TAFA5: variants seen among roughly 807,000 people sequenced by gnomAD.
TAFA5 encodes chemokine-like protein TAFA-5.
Under a neutral mutation model 15.3 loss-of-function variants are expected in TAFA5, and 6 were observed. The observed-to-expected ratio is 0.39, with a 90% CI of 0.21 to 0.77. The LOEUF is 0.77. Among genes scored for constraint, TAFA5 ranks in the 30% least tolerant of loss-of-function variants. TAFA5 has a pLI of 0.41. For synonymous variants in TAFA5, 103 were observed against 80.7 expected (o/e 1.28, Z -1.48); for missense variants, 161 against 193.1 (o/e 0.83, Z 0.98).
intron 1 of TAFA5, among the ~76,000 whole-genome samples, chr22:48,534,850 G>A (rs1049309714): frequency 3.3e-5 from 5 of 152,294 alleles, no homozygotes; most frequent in Admixed American, 2.0e-4. Flanking sequence ...CTCAGCGACT[G>A]TGGAGGCTTG....
chr22:48,552,606 G>A lies in TAFA5; in HGVS notation c.112+62902G>A, dbSNP rs1021372141. ...AATGGATCGATCATCTAGAACCCCC[G>A]TCGCAGGGCTCGGAGTTGCGGGCAG... On this transcript the variant is annotated intron_variant, in intron 1 of 3. Coordinates refer to ENST00000402357, the MANE Select transcript of TAFA5 (RefSeq NM_001082967.3). The surrounding 1 kb of genome is among the most constrained non-coding windows in gnomAD (Gnocchi z 4.1). 5.3e-5 allele frequency among the ~76,000 whole-genome samples: 8 copies of A among 152,128 alleles called. No homozygotes were observed. The highest frequency in any genetic ancestry group is 1.9e-4 in the African/African-American group (8 of 41,430).
chr22:48,731,060 ACTC>A (rs980516527), intron 3 of TAFA5, among the ~76,000 whole-genome samples: 1 of 152,140 alleles, frequency 6.6e-6, no homozygotes. Context: ...TGCAAGTACT[ACTC>A]CAGTGAATAT....
At chr22:48,546,429 G>A (rs1289858530) in intron 1 of TAFA5, 1 of 465,998 alleles carries the variant, frequency 2.1e-6, no homozygotes. Flanking sequence ...GTGACCATCG[G>A]ACACTGCCCT....
chr22:48,575,095 G>T (rs1442922996), intron 1 of TAFA5, among the ~76,000 whole-genome samples: 4 of 152,182 alleles, frequency 2.6e-5, no homozygotes, highest in African/African-American at 9.6e-5. Context: ...CCCAGCCGCT[G>T]GTCGGGCCCG....
In TAFA5 at chr22:48,646,691, G is replaced by C. The variant is rs777036601; in HGVS notation, c.207G>C (p.Ala69=). The stretch of plus-strand genomic sequence containing the variant: ...TCGCCCGGCAGACCGCCCGCTGTGC[G>C]TGTAGAAAGGGGCAGATCGCCGGCA... ...RTIARQTARC[A]CRKGQIAGTT... is the part of the protein sequence containing the mutation. The change falls in exon 2 of 4, where the codon GCG becomes GCC. Residue 69 remains alanine (A), a synonymous_variant. Coordinates refer to ENST00000402357, the MANE Select transcript of TAFA5 (RefSeq NM_001082967.3). 5 of 1,609,434 alleles carry C rather than the reference G, an allele frequency of 3.1e-6. No individual in the cohort carries two copies. The highest frequency in any genetic ancestry group is 2.2e-5 in the East Asian group (1 of 44,828).
intron 1 of TAFA5, among the ~76,000 whole-genome samples, chr22:48,541,986 G>A (rs1376455946): frequency 6.6e-6 from 1 of 152,202 alleles, no homozygotes; most frequent in East Asian, 1.9e-4. Flanking sequence ...CCAGTGTGCA[G>A]GGCCCAGCAT....
Position 48,509,129 on chromosome 22 carries a change from G to A in TAFA5, c.112+19425G>A, listed in dbSNP as rs185958793. Among the ~76,000 whole-genome samples the A allele has an allele frequency of 1.4e-4, 21 of 152,300 alleles. No homozygotes were observed. The South Asian group carries it at 2.7e-3, about 20-fold the overall frequency. On this transcript the variant is annotated intron_variant, in intron 1 of 3. Coordinates refer to ENST00000402357, the MANE Select transcript of TAFA5 (RefSeq NM_001082967.3). ...CCTCCGGAGTCATGCCTGCAGCTGC[G>A]AATGACAGGATCTCATCCTTCTTTA... is the stretch of plus-strand genomic sequence containing the variant.
intron 1 of TAFA5, among the ~76,000 whole-genome samples, chr22:48,600,450 C>T (rs560587198): frequency 6.5e-4 from 99 of 152,306 alleles, no homozygotes; most frequent in African/African-American, 2.1e-3. Context: ...CCACACGGGC[C>T]TTGTCATGGT....
chr22:48,669,221 G>A (rs556226940), intron 2 of TAFA5, among the ~76,000 whole-genome samples: 13 of 152,246 alleles, frequency 8.5e-5, no homozygotes, highest in African/African-American at 2.4e-4. Context: ...GCCCCCCAGC[G>A]TGTGGTCTGT....
intron 1 of TAFA5, among the ~76,000 whole-genome samples, chr22:48,623,688 G>A (rs762666212): frequency 6.6e-6 from 1 of 152,238 alleles, no homozygotes; most frequent in African/African-American, 2.4e-5. Context: ...CCATTTAACC[G>A]CATCAGAGCC....
intron 1 of TAFA5, among the ~76,000 whole-genome samples, chr22:48,525,380 C>T (rs914584341): frequency 1.3e-5 from 2 of 152,218 alleles, no homozygotes; most frequent in Admixed American, 6.5e-5. Flanking sequence ...ACCCCACCCT[C>T]ACCCCGACAG....
chr22:48,670,699 G>C (rs569653844), intron 2 of TAFA5, among the ~76,000 whole-genome samples: 1 of 152,248 alleles, frequency 6.6e-6, no homozygotes, highest in Non-Finnish European at 1.5e-5. Context: ...CAATTTTGCC[G>C]TCTCATCAGG....
At chr22:48,533,618 G>T (rs1601560362) in intron 1 of TAFA5, among the ~76,000 whole-genome samples, 2 of 152,328 alleles carry the variant, frequency 1.3e-5, no homozygotes, top group Middle Eastern at 6.8e-3. Context: ...TCGGGAGATG[G>T]CTGTAGAAAG....
At position 48,545,339 on chromosome 22, in the gene TAFA5, C is replaced by T. The variant is rs551261222; in HGVS notation, c.112+55635C>T. 249 of 234,664 alleles carry T rather than the reference C, an allele frequency of 1.1e-3. 1 individual carries two copies. Among genetic ancestry groups the T allele is most frequent in the African/African-American group, 5.2e-3 (235 of 45,388 alleles). 14.5% of individuals were successfully genotyped at this position (234,664 alleles called of 1,614,324 possible). A position where few individuals can be genotyped will look rare whatever the true frequency, so the allele number is the denominator to read the frequency against. On this transcript the variant is annotated intron_variant, in intron 1 of 3. Coordinates refer to ENST00000402357, the MANE Select transcript of TAFA5 (RefSeq NM_001082967.3). ...TGGATCTGCCCCGGGTCACAGCACT[C>T]ATAGGACACTGTTGTGATTGCAATT...
intron 3 of TAFA5, among the ~76,000 whole-genome samples, chr22:48,722,299 G>A (rs130181): frequency 0.4 from 60,393 of 152,090 alleles, 12,959 homozygotes; most frequent in Non-Finnish European, 0.48. Flanking sequence ...GACTTGGAAA[G>A]TGAACCCAAG....
chr22:48,713,965 C>T (rs114174317), intron 3 of TAFA5, among the ~76,000 whole-genome samples: 134 of 152,360 alleles, frequency 8.8e-4, no homozygotes, highest in African/African-American at 3.0e-3. Context: ...GCACCCCCAG[C>T]GTGAAGAAGG....
intron 1 of TAFA5, among the ~76,000 whole-genome samples, chr22:48,553,232 C>A (rs1397931897): frequency 6.6e-6 from 1 of 152,148 alleles, no homozygotes. Flanking sequence ...CCGCTCTGTG[C>A]CCCTCCTGCC....
chr22:48,530,593 G>T lies in TAFA5; in HGVS notation c.112+40889G>T, dbSNP rs889012458. ...TCCTCCCCTGCTAGAGGGTGGGCAA[G>T]AAACCAGCGCTCCCCTGGCTCCCTC... is the stretch of plus-strand genomic sequence containing the variant. On this transcript the variant is annotated intron_variant, in intron 1 of 3. Transcript: ENST00000402357. This position sits in a 1 kb window ranked among gnomAD's most constrained non-coding sequence, Gnocchi z 6.0. Among the ~76,000 whole-genome samples, 3 of 152,144 alleles carry T rather than the reference G, an allele frequency of 2.0e-5. No individual in the cohort carries two copies. The highest frequency in any genetic ancestry group is 2.9e-5 in the Non-Finnish European group (2 of 68,022).
intron 2 of TAFA5, among the ~76,000 whole-genome samples, chr22:48,664,708 CA>C (rs1379614390): frequency 1.3e-5 from 2 of 152,126 alleles, no homozygotes; most frequent in Non-Finnish European, 2.9e-5. Context: ...GAGTAGGCCT[CA>C]TTTTTGGACT....
Sources: allele counts gnomAD v4.1 joint callset (sites outside exome capture counted in the v4.1 genomes callset), GRCh38; gene constraint gnomAD v4.1.1; non-coding constraint Gnocchi (gnomAD v3.1); transcripts MANE v1.5; gene names NCBI Gene and HGNC (gene_info 2026-07-23, HGNC 2026-07-21).